The following ZFAND3 variants were observed in gnomAD, a reference collection of about 807,000 sequenced individuals.
ZFAND3 encodes AN1-type zinc finger protein 3.
ZFAND3 carries 10 observed loss-of-function variants against 29.6 expected under a neutral mutation model. That is an observed-to-expected ratio of 0.34 (90% CI 0.21 to 0.57). The LOEUF (loss-of-function observed/expected upper bound fraction) is 0.57. Among genes scored for constraint, ZFAND3 ranks in the 20% least tolerant of loss-of-function variants. ZFAND3 has a pLI of 0.86. For synonymous variants in ZFAND3, 128 were observed against 112.6 expected, an observed-to-expected ratio of 1.14 and a Z score of -0.87; for missense variants, 230 against 304.5, an observed-to-expected ratio of 0.76 and a Z score of 1.82.
chr6:38,037,656 A>G lies in ZFAND3; in HGVS notation c.113-23937A>G, dbSNP rs142558610. On this transcript the variant is annotated intron_variant, in intron 2 of 5. Transcript: ENST00000287218. ...AGTAGGAGACATAAGCAGCACTTCCATTGGGATGGGGCCACACAAAGGGTG... is the reference window on the plus strand; with the variant it reads ...AGTAGGAGACATAAGCAGCACTTCCGTTGGGATGGGGCCACACAAAGGGTG... Among the ~76,000 whole-genome samples the G allele has an allele frequency of 2.0e-4, 30 of 152,308 alleles. No homozygotes were observed. In the East Asian group the frequency reaches 5.8e-3, roughly 29 times the overall value.
intron 2 of ZFAND3, among the ~76,000 whole-genome samples, chr6:38,040,635 T>TA (rs1176567629): frequency 6.6e-6 from 1 of 152,246 alleles, no homozygotes; most frequent in African/African-American, 2.4e-5. Context: ...AGATCTCCAG[T>TA]ATGTCCTTTA....
chr6:38,061,610 C>T lies in ZFAND3; in HGVS notation c.130C>T (p.Pro44Ser), dbSNP rs1764241046. ...KCFADFQKKQPDDDSAPSTSN... is the reference protein window; with the variant it reads ...KCFADFQKKQSDDDSAPSTSN... The stretch of plus-strand genomic sequence containing the variant: ...TTCTTCAGATTTTCAAAAGAAACAG[C>T]CAGACGATGATTCCGCTCCAAGTAC... The change falls in exon 3 of 6, where the codon CCA (proline) becomes TCA (serine). Residue 44 changes from proline to serine, a missense_variant. Transcript: ENST00000287218. 4 of 1,614,086 alleles carry T rather than the reference C, an allele frequency of 2.5e-6. No individual in the cohort carries two copies. The highest frequency in any genetic ancestry group is 1.7e-5 in the Admixed American group (1 of 60,020).
At chr6:38,124,869 G>A (rs924411677) in intron 5 of ZFAND3, among the ~76,000 whole-genome samples, 6 of 152,204 alleles carry the variant, frequency 3.9e-5, no homozygotes, top group Middle Eastern at 3.2e-3. Flanking sequence ...CTGCCAGCAC[G>A]CTGTCACCTC....
At chr6:38,016,816 A>C (rs1763259625) in intron 2 of ZFAND3, among the ~76,000 whole-genome samples, 1 of 152,198 alleles carries the variant, frequency 6.6e-6, no homozygotes, top group Non-Finnish European at 1.5e-5. Flanking sequence ...CTGTTAATAT[A>C]TTTTAATTGA....
intron 2 of ZFAND3, among the ~76,000 whole-genome samples, chr6:38,049,094 G>C (rs989673175): frequency 4.6e-5 from 7 of 152,130 alleles, no homozygotes; most frequent in African/African-American, 1.7e-4. Context: ...TCCCTGTTGT[G>C]TTAGGCCACC....
At chr6:38,099,480 T>C (rs1765048980) in intron 4 of ZFAND3, among the ~76,000 whole-genome samples, 1 of 152,062 alleles carries the variant, frequency 6.6e-6, no homozygotes, top group Non-Finnish European at 1.5e-5. Flanking sequence ...ACCCACAGAG[T>C]TTCAGAAAGC....
intron 1 of ZFAND3, among the ~76,000 whole-genome samples, chr6:37,820,639 T>C (rs867289550): frequency 3.3e-5 from 5 of 152,178 alleles, no homozygotes; most frequent in African/African-American, 1.2e-4. Flanking sequence ...AGGAGATATG[T>C]AAAATTTCCT....
At chr6:37,845,919 AT>A (rs1227563894) in intron 1 of ZFAND3, among the ~76,000 whole-genome samples, 1 of 152,138 alleles carries the variant, frequency 6.6e-6, no homozygotes, top group Non-Finnish European at 1.5e-5. Flanking sequence ...TCCTGGTTAG[AT>A]TTTTAAAATG....
chr6:37,891,451 G>A (rs1315919118), intron 1 of ZFAND3, among the ~76,000 whole-genome samples: 1 of 135,500 alleles, frequency 7.4e-6, no homozygotes, highest in African/African-American at 3.0e-5. Context: ...AAAATTAGCC[G>A]GGTGTGGCAG....
chr6:38,102,115 CCT>C (rs961691322), intron 4 of ZFAND3, among the ~76,000 whole-genome samples: 21 of 152,102 alleles, frequency 1.4e-4, no homozygotes, highest in African/African-American at 4.8e-4. Flanking sequence ...TCTTCTTCCT[CCT>C]CTTTCTTCTC....
At chr6:38,134,336 T>C (rs1465826267) in intron 5 of ZFAND3, among the ~76,000 whole-genome samples, 5 of 152,218 alleles carry the variant, frequency 3.3e-5, no homozygotes, top group Admixed American at 6.5e-5. Context: ...GTGCTCCCGA[T>C]TTATTACACA....
At chr6:37,986,211 C>T (rs746154202) in intron 2 of ZFAND3, among the ~76,000 whole-genome samples, 1 of 152,038 alleles carries the variant, frequency 6.6e-6, no homozygotes, top group Non-Finnish European at 1.5e-5. Context: ...AGATATTGCC[C>T]ATTAGACTGG....
chr6:38,039,243 CGTAA>C (rs1763715293), intron 2 of ZFAND3, among the ~76,000 whole-genome samples: 1 of 152,052 alleles, frequency 6.6e-6, no homozygotes, highest in Non-Finnish European at 1.5e-5. Context: ...CTTAAAGGAC[CGTAA>C]GTATTATTTG....
chr6:38,062,384 T>C (rs1764258301), intron 3 of ZFAND3: 2 of 152,146 alleles, frequency 1.3e-5, no homozygotes, highest in Non-Finnish European at 2.9e-5. Flanking sequence ...CACTGTCTAC[T>C]TAATTTCTTT....
rs528242093 is a variant in ZFAND3 at position 37,951,963 on chromosome 6, C to T, written c.112+21964C>T. ...TAAGATGCATTTATTGAGATGTTCA[C>T]GTGGTTTTTCTTTTTAGTTCTGTTA... is the stretch of plus-strand genomic sequence containing the variant. On this transcript the variant is annotated intron_variant, in intron 2 of 5. Transcript: ENST00000287218. Among the ~76,000 whole-genome samples, 187 of 152,290 alleles carry T rather than the reference C, an allele frequency of 1.2e-3. 1 individual carries two copies. The highest frequency in any genetic ancestry group is 1.7e-3 in the Non-Finnish European group (116 of 68,022).
At chr6:38,058,319 G>A (rs1764171367) in intron 2 of ZFAND3, among the ~76,000 whole-genome samples, 1 of 152,132 alleles carries the variant, frequency 6.6e-6, no homozygotes, top group Non-Finnish European at 1.5e-5. Context: ...TAGACAGATG[G>A]TTATGGGAGG....
intron 3 of ZFAND3, among the ~76,000 whole-genome samples, chr6:38,070,866 CT>C (rs971182024): frequency 9.3e-5 from 14 of 150,432 alleles, no homozygotes; most frequent in Non-Finnish European, 5.9e-5. Flanking sequence ...GTTTCTTCTT[CT>C]TTTTTTTTAA....
rs865869099 is a variant in ZFAND3, at chr6:38,081,573, G to C, written c.296-819G>C. ...CCTGGGGACCCTTTTTAAAATAAAT[G>C]TGTAACATTTGCCTATGTGTCCTAT... is the stretch of plus-strand genomic sequence containing the variant. On this transcript the variant is annotated intron_variant, in intron 3 of 5. Transcript: ENST00000287218. 2.0e-5 allele frequency among the ~76,000 whole-genome samples: 3 copies of C among 152,202 alleles called. No individual in the cohort carries two copies. In the South Asian group the frequency reaches 6.2e-4, roughly 32 times the overall value.
At chr6:38,112,561 T>C (rs1237836318) in intron 4 of ZFAND3, among the ~76,000 whole-genome samples, 1 of 152,250 alleles carries the variant, frequency 6.6e-6, no homozygotes, top group Non-Finnish European at 1.5e-5. Flanking sequence ...TTGGCAATGC[T>C]TCACGGTAAC....
Sources: allele counts gnomAD v4.1 joint callset (sites outside exome capture counted in the v4.1 genomes callset), GRCh38; gene constraint gnomAD v4.1.1; transcripts MANE v1.5; gene names NCBI Gene and HGNC (gene_info 2026-07-23, HGNC 2026-07-21).